The following HSF2BP variants were observed in gnomAD, a reference collection of about 807,000 sequenced individuals.
HSF2BP encodes heat shock transcription factor 2 binding protein, also known as heat shock factor 2-binding protein.
In HSF2BP, 35 loss-of-function variants were observed where a neutral mutation model predicts 35.0. That is an observed-to-expected ratio of 1.00 (90% CI 0.76 to 1.32). HSF2BP has a LOEUF of 1.32. Ranked by LOEUF, HSF2BP falls within the 40% of genes most tolerant of loss-of-function variation. The pLI, the probability that HSF2BP is intolerant of heterozygous loss-of-function variation, is 0.00. For synonymous variants in HSF2BP, 114 were observed against 117.4 expected, an observed-to-expected ratio of 0.97 and a Z score of 0.18; for missense variants, 326 against 321.7, an observed-to-expected ratio of 1.01 and a Z score of -0.10.
intron 7 of HSF2BP, among the ~76,000 whole-genome samples, chr21:43,599,490 G>C (rs1387003967): frequency 6.6e-6 from 1 of 152,096 alleles, no homozygotes; most frequent in Non-Finnish European, 1.5e-5. Flanking sequence ...TTCTAGTATT[G>C]AAATATTAAA....
chr21:43,467,944 C>CACCACA, the HSF2BP span, among the ~76,000 whole-genome samples: 1 of 95,964 alleles, frequency 1.0e-5, no homozygotes, highest in African/African-American at 4.2e-5. Context: ...CACACACACA[C>CACCACA]CACACACACC....
At chr21:43,625,943 A>G (rs1243771569) in intron 6 of HSF2BP, among the ~76,000 whole-genome samples, 1 of 152,262 alleles carries the variant, frequency 6.6e-6, no homozygotes, top group East Asian at 1.9e-4. Flanking sequence ...ACAACCAGCA[A>G]CATGACAAGT....
At chr21:43,604,102 A>AAAG (rs1404449196) in intron 7 of HSF2BP, among the ~76,000 whole-genome samples, 3 of 152,032 alleles carry the variant, frequency 2.0e-5, no homozygotes, top group Admixed American at 6.5e-5. Flanking sequence ...GCTAAACAGG[A>AAAG]GCCAGTGGAG....
rs181663426 is a variant in HSF2BP, at chr21:43,598,948, C to T, written c.693-6620G>A. Among the ~76,000 whole-genome samples, 764 of 152,270 alleles carry T rather than the reference C, an allele frequency of 5.0e-3. 8 individuals carry two copies. The highest frequency in any genetic ancestry group is 0.018 in the African/African-American group (734 of 41,544). Reference sequence around the variant, plus strand: ...CTGAGTCACCGCAACAGAGATCGTACGACCCCAAGAGCCTAAAATATTTTC... The same window carrying T: ...CTGAGTCACCGCAACAGAGATCGTATGACCCCAAGAGCCTAAAATATTTTC... On this transcript the variant is annotated intron_variant, in intron 7 of 8. Coordinates refer to ENST00000291560, the MANE Select transcript of HSF2BP (RefSeq NM_007031.2).
In HSF2BP at chr21:43,597,765, C is replaced by G. The variant is rs1263295900; in HGVS notation, c.693-5437G>C. On this transcript the variant is annotated intron_variant, in intron 7 of 8. Transcript: ENST00000291560. The surrounding 1 kb of genome is among the most constrained non-coding windows in gnomAD (Gnocchi z 4.3). ...TTCTCGGCCTCAGGCAATTTTCCCA[C>G]GTCGGCCTCCCAAAGTGCTGGGATT... 2.6e-5 allele frequency among the ~76,000 whole-genome samples: 4 copies of G among 152,224 alleles called. No homozygotes were observed. Among genetic ancestry groups the G allele is most frequent in the African/African-American group, 9.6e-5 (4 of 41,454 alleles).
chr21:43,580,616 A>C (rs927115151), intron 8 of HSF2BP, among the ~76,000 whole-genome samples: 1 of 152,242 alleles, frequency 6.6e-6, no homozygotes, highest in African/African-American at 2.4e-5. Context: ...TTTTTAAAAG[A>C]TAAAAACCAC....
At chr21:43,594,256 A>C (rs2081958923) in intron 7 of HSF2BP, among the ~76,000 whole-genome samples, 1 of 152,210 alleles carries the variant, frequency 6.6e-6, no homozygotes, top group Non-Finnish European at 1.5e-5. Flanking sequence ...CTTCAGAAAA[A>C]GGAAAATGAC....
At chr21:43,647,075 C>T (rs1315490722) in intron 3 of HSF2BP, among the ~76,000 whole-genome samples, 1 of 152,100 alleles carries the variant, frequency 6.6e-6, no homozygotes, top group African/African-American at 2.4e-5. Context: ...ATCTTTGAAC[C>T]AAGAAAAACA....
At chr21:43,468,009 CACA>C in the HSF2BP span, among the ~76,000 whole-genome samples, 2 of 132,318 alleles carry the variant, frequency 1.5e-5, no homozygotes, top group Admixed American at 7.5e-5. Flanking sequence ...CCACACACAC[CACA>C]AACCATACAC....
chr21:43,589,453 A>G (rs1341360685), intron 8 of HSF2BP, among the ~76,000 whole-genome samples: 3 of 152,250 alleles, frequency 2.0e-5, no homozygotes, highest in African/African-American at 7.2e-5. Flanking sequence ...CTGTTGATTC[A>G]ACACAATCCC....
intron 5 of HSF2BP, among the ~76,000 whole-genome samples, chr21:43,632,073 TACACAC>T (rs60110819): frequency 1.6e-4 from 2 of 12,162 alleles, no homozygotes; most frequent in South Asian, 5.2e-3. Context: ...CGCTCCCACA[TACACAC>T]GCTCCCACAC....
intron 6 of HSF2BP, among the ~76,000 whole-genome samples, chr21:43,621,132 C>T (rs971927036): frequency 9.2e-5 from 14 of 152,168 alleles, no homozygotes; most frequent in African/African-American, 3.4e-4. Flanking sequence ...ATCAAACTCT[C>T]AACATTCAGA....
rs540706679 is a variant in HSF2BP, at chr21:43,650,238, G to A, written c.188-5846C>T. ...AATTTTTTTTTTGAGACAGAGTCTCGCTCTGTCGCCCGGGCTGGAGTGCAG... is the reference window on the plus strand; with the variant it reads ...AATTTTTTTTTTGAGACAGAGTCTCACTCTGTCGCCCGGGCTGGAGTGCAG... On this transcript the variant is annotated intron_variant, in intron 3 of 8. Transcript: ENST00000291560. 1.8e-4 allele frequency among the ~76,000 whole-genome samples: 27 copies of A among 151,876 alleles called. No individual in the cohort carries two copies. The East Asian group carries it at 5.0e-3, about 28-fold the overall frequency.
chr21:43,467,723 CACACACA>C, the HSF2BP span, among the ~76,000 whole-genome samples: 7 of 134,976 alleles, frequency 5.2e-5, 1 homozygote, highest in South Asian at 1.8e-3. Flanking sequence ...ACCCACACAC[CACACACA>C]CCACACCACA....
chr21:43,625,361 TA>T (rs1179437718), intron 6 of HSF2BP, among the ~76,000 whole-genome samples: 5 of 151,488 alleles, frequency 3.3e-5, no homozygotes, highest in Admixed American at 2.6e-4. Flanking sequence ...AAATAAAAAA[TA>T]AAAAAACCCC....
At chr21:43,653,631 T>A (rs1380256680) in intron 3 of HSF2BP, among the ~76,000 whole-genome samples, 1 of 152,096 alleles carries the variant, frequency 6.6e-6, no homozygotes, top group East Asian at 1.9e-4. Flanking sequence ...GGTGGGGTTT[T>A]TAGGTTTTTG....
chr21:43,467,601 G>A, the HSF2BP span, among the ~76,000 whole-genome samples: 1 of 150,758 alleles, frequency 6.6e-6, no homozygotes, highest in African/African-American at 2.4e-5. Flanking sequence ...CCTGAGCTTG[G>A]CACCCAGAAG....
chr21:43,617,836 C>T (rs551567620), intron 6 of HSF2BP, among the ~76,000 whole-genome samples: 3 of 152,122 alleles, frequency 2.0e-5, no homozygotes, highest in Non-Finnish European at 4.4e-5. Context: ...CACCTGTAAT[C>T]CCATCTACTC....
In HSF2BP at chr21:43,658,046, G is replaced by A. The variant is rs1427357119; in HGVS notation, c.36+15C>T. ...GTTCAAACACGCTGGCGTCGGCCAG[G>A]GCTTCCTCACTAACCCGGCAGGCCT... On this transcript the variant is annotated intron_variant, in intron 2 of 8. Transcript: ENST00000291560. 1 of 1,535,866 alleles carries A rather than the reference G, an allele frequency of 6.5e-7. No homozygotes were observed. The highest frequency in any genetic ancestry group is 8.7e-7 in the Non-Finnish European group (1 of 1,146,310).
Sources: gnomAD v4.1 joint callset for allele counts (sites outside exome capture counted in the v4.1 genomes callset) on GRCh38, gnomAD v4.1.1 for gene constraint, Gnocchi (gnomAD v3.1) non-coding constraint, MANE v1.5 for transcripts, NCBI Gene and HGNC (gene_info 2026-07-23, HGNC 2026-07-21) for gene names.